PDE4D: variants seen among roughly 807,000 people sequenced by gnomAD.
The protein encoded by PDE4D is 3',5'-cyclic-AMP phosphodiesterase 4D.
PDE4D carries 24 observed loss-of-function variants against 87.4 expected under a neutral mutation model. That is an observed-to-expected ratio of 0.27 (90% CI 0.20 to 0.39). The LOEUF (loss-of-function observed/expected upper bound fraction) is 0.39. Ranked by LOEUF, PDE4D falls within the 10% of genes least tolerant of loss-of-function variation. PDE4D has a pLI of 1.00. For synonymous variants in PDE4D, 384 were observed against 383.2 expected (o/e 1.00, Z -0.02); for missense variants, 714 against 1,041.0 (o/e 0.69, Z 4.32).
At chr5:59,528,438 C>T (rs1014939071) in intron 1 of PDE4D, among the ~76,000 whole-genome samples, 4 of 152,128 alleles carry the variant, frequency 2.6e-5, no homozygotes, top group African/African-American at 9.7e-5. Flanking sequence ...AAAACAAAAA[C>T]ATCTAACTGA....
intron 1 of PDE4D, among the ~76,000 whole-genome samples, chr5:59,278,246 C>G (rs1217083087): frequency 6.6e-6 from 1 of 151,856 alleles, no homozygotes; most frequent in East Asian, 1.9e-4. Context: ...TGTAGTTTTC[C>G]CTCTGAAAAG....
rs538518041 is a variant in PDE4D, at chr5:59,403,145, A to G, written c.456-187177T>C. 1.2e-4 allele frequency among the ~76,000 whole-genome samples: 15 copies of G among 130,416 alleles called. No homozygotes were observed. The South Asian group carries it at 2.9e-3, about 26-fold the overall frequency. The allele number at this position is 130,416 out of a possible 152,430, so 85.6% of individuals were successfully genotyped here. A position where few individuals can be genotyped will look rare whatever the true frequency, so the allele number is the denominator to read the frequency against. ...TGGTACATAATAGGTAGGTAGGTAG[A>G]CAGACAGACAGACAGACAGACAGAC... On this transcript the variant is annotated intron_variant, in intron 1 of 14. Transcript: ENST00000340635.
At chr5:59,900,432 AT>A (rs1286917736) in intron 3 of PDE4D, among the ~76,000 whole-genome samples, 1 of 152,130 alleles carries the variant, frequency 6.6e-6, no homozygotes, top group Non-Finnish European at 1.5e-5. Flanking sequence ...AAGTGAAAAA[AT>A]ATTTCTTCCT....
Position 60,269,904 on chromosome 5 carries a change from T to C in PDE4D, c.-89-84217A>G, listed in dbSNP as rs182984787. Among the ~76,000 whole-genome samples the C allele has an allele frequency of 2.0e-3, 298 of 152,290 alleles. 3 individuals carry two copies. The highest frequency in any genetic ancestry group is 6.9e-3 in the African/African-American group (288 of 41,552). Reference sequence around the variant, plus strand: ...AAAATCAATATTTATCTTATGATAGTACAGGAGATGAATTGAAATGGGGAA... The same window carrying C: ...AAAATCAATATTTATCTTATGATAGCACAGGAGATGAATTGAAATGGGGAA... On this transcript the variant is annotated intron_variant, in intron 1 of 16. Coordinates refer to the PDE4D transcript ENST00000502484.
chr5:59,251,604 G>A (rs1007194275), intron 1 of PDE4D, among the ~76,000 whole-genome samples: 2 of 152,090 alleles, frequency 1.3e-5, no homozygotes, highest in Admixed American at 1.3e-4. Context: ...CAACCATTGT[G>A]GAAAGCAGTG....
intron 1 of PDE4D, among the ~76,000 whole-genome samples, chr5:59,526,393 T>C (rs941778549): frequency 6.6e-6 from 1 of 152,216 alleles, no homozygotes; most frequent in Admixed American, 6.5e-5. Flanking sequence ...TCCTGGTGGT[T>C]TGATTAAAAA....
intron 4 of PDE4D, 65 bp from the exon 5 acceptor site, chr5:59,180,709 A>C: frequency 7.2e-7 from 1 of 1,386,666 alleles, no homozygotes; most frequent in Non-Finnish European, 1.0e-6. Context: ...TCACTCTCTG[A>C]GTCATTTCAG....
intron 5 of PDE4D, among the ~76,000 whole-genome samples, chr5:59,069,990 T>C (rs945250156): frequency 6.6e-6 from 1 of 152,140 alleles, no homozygotes; most frequent in Non-Finnish European, 1.5e-5. Flanking sequence ...GGTAGATCAC[T>C]GTAAGAGATT....
At chr5:60,114,607 A>C (rs760107507) in intron 2 of PDE4D, among the ~76,000 whole-genome samples, 6 of 152,094 alleles carry the variant, frequency 3.9e-5, no homozygotes, top group Admixed American at 1.3e-4. Context: ...TATACTAAAG[A>C]AAAACCAAAT....
intron 1 of PDE4D, among the ~76,000 whole-genome samples, chr5:59,424,594 A>G (rs534071893): frequency 3.5e-4 from 54 of 152,164 alleles, no homozygotes; most frequent in Non-Finnish European, 6.5e-4. Flanking sequence ...CCAACAGGGG[A>G]AATGCCAGAT....
intron 1 of PDE4D, among the ~76,000 whole-genome samples, chr5:60,277,762 T>C (rs1436414931): frequency 6.6e-6 from 1 of 152,188 alleles, no homozygotes; most frequent in Non-Finnish European, 1.5e-5. Context: ...GTAGCTGCTC[T>C]AGGTATTACA....
At chr5:59,774,364 A>T (rs1271461983) in intron 1 of PDE4D, among the ~76,000 whole-genome samples, 1 of 152,182 alleles carries the variant, frequency 6.6e-6, no homozygotes, top group East Asian at 1.9e-4. Context: ...GAAGTCAAAA[A>T]TTCATCAGAT....
At chr5:59,699,370 G>A (rs958415026) in intron 1 of PDE4D, among the ~76,000 whole-genome samples, 6 of 152,110 alleles carry the variant, frequency 3.9e-5, no homozygotes, top group African/African-American at 1.4e-4. Flanking sequence ...AAAATAAAAA[G>A]AGTTAGCTCT....
chr5:59,611,325 T>A (rs1425743612), intron 1 of PDE4D, among the ~76,000 whole-genome samples: 2 of 152,126 alleles, frequency 1.3e-5, no homozygotes, highest in Non-Finnish European at 2.9e-5. Context: ...CCTGCCCTCA[T>A]GACTTAATGA....
chr5:59,457,181 A>G (rs546820814), intron 1 of PDE4D, among the ~76,000 whole-genome samples: 1 of 152,274 alleles, frequency 6.6e-6, no homozygotes, highest in East Asian at 1.9e-4. Flanking sequence ...AATGTGGTAA[A>G]CTTTATTGTT....
intron 3 of PDE4D, among the ~76,000 whole-genome samples, chr5:59,958,274 C>A (rs1441073676): frequency 1.3e-5 from 2 of 152,048 alleles, no homozygotes; most frequent in Admixed American, 6.6e-5. Flanking sequence ...TTACATATTT[C>A]TTTCATACAT....
chr5:59,845,058 T>A (rs1397466111), intron 1 of PDE4D, among the ~76,000 whole-genome samples: 1 of 152,044 alleles, frequency 6.6e-6, no homozygotes, highest in Non-Finnish European at 1.5e-5. Context: ...ACTTCGGTCC[T>A]AAAACCACAG....
intron 1 of PDE4D, among the ~76,000 whole-genome samples, chr5:59,783,284 G>A (rs1045991283): frequency 6.6e-6 from 1 of 152,180 alleles, no homozygotes. Flanking sequence ...ATCTCTCAGG[G>A]TGTGACCCAG....
chr5:59,490,675 T>C (rs1251643590), intron 1 of PDE4D, among the ~76,000 whole-genome samples: 1 of 152,232 alleles, frequency 6.6e-6, no homozygotes, highest in African/African-American at 2.4e-5. Context: ...CTGCAATGAC[T>C]AATAATAGTA....
Sources: gnomAD v4.1 joint callset for allele counts (sites outside exome capture counted in the v4.1 genomes callset) on GRCh38, gnomAD v4.1.1 for gene constraint, MANE v1.5 for transcripts, NCBI Gene and HGNC (gene_info 2026-07-23, HGNC 2026-07-21) for gene names.